LDHB: variants seen among roughly 807,000 people sequenced by gnomAD.
The protein encoded by LDHB is lactate dehydrogenase B, also known as L-lactate dehydrogenase B chain.
In LDHB, 18 loss-of-function variants were observed where a neutral mutation model predicts 33.4. That is an observed-to-expected ratio of 0.54 (90% confidence interval 0.37 to 0.80). The LOEUF (loss-of-function observed/expected upper bound fraction) is 0.80, where lower values mean the gene tolerates loss of function less well. Among genes scored for constraint, LDHB ranks in the 30% least tolerant of loss-of-function variants. LDHB has a pLI of 0.00. For synonymous variants in LDHB, 121 were observed against 140.6 expected, an observed-to-expected ratio of 0.86 and a Z score of 0.98; for missense variants, 345 against 407.9, an observed-to-expected ratio of 0.85 and a Z score of 1.33.
At chr12:21,654,521 C>T (rs1938782366) in intron 2 of LDHB, 22 bp downstream of exon 2, 2 of 1,612,630 alleles carry the variant, frequency 1.2e-6, no homozygotes, top group African/African-American at 1.3e-5. Context: ...TCTCTATCAT[C>T]TATGGTGTTC....
At chr12:21,645,388 G>C (rs1436638363) in intron 3 of LDHB, among the ~76,000 whole-genome samples, 3 of 152,114 alleles carry the variant, frequency 2.0e-5, no homozygotes, top group Non-Finnish European at 4.4e-5. Context: ...ACTGGTAAAG[G>C]GTCTGTGCCG....
intron 4 of LDHB, chr12:21,643,662 A>T (rs1444888609): frequency 7.1e-6 from 3 of 420,706 alleles, no homozygotes; most frequent in Non-Finnish European, 8.5e-6. Flanking sequence ...ATCTTTATAA[A>T]AAAGTTTTAA....
rs1369057476 is a variant in LDHB at position 21,642,031 on chromosome 12, G to T, written c.516C>A (p.Arg172=). 2 of 1,613,550 alleles carry T rather than the reference G, an allele frequency of 1.2e-6. No individual in the cohort carries two copies. The highest frequency in any genetic ancestry group is 2.2e-5 in the South Asian group (2 of 91,052). Reference sequence around the variant, plus strand: ...TGCCAAGTTTTTCAGCCATAAGGTAGCGAAATCTAGCAGAATCCAGATTAC... The same window carrying T: ...TGCCAAGTTTTTCAGCCATAAGGTATCGAAATCTAGCAGAATCCAGATTAC... ...SGCNLDSARF[R]YLMAEKLGIH... The change falls in exon 5 of 8, where the codon CGC becomes CGA. Residue 172 remains arginine (R), a synonymous_variant. Transcript: ENST00000350669.
intron 2 of LDHB, among the ~76,000 whole-genome samples, chr12:21,647,421 A>G (rs895323550): frequency 2.0e-5 from 3 of 152,018 alleles, no homozygotes; most frequent in African/African-American, 7.3e-5. Context: ...TTTACTTTAG[A>G]GTAGGATTTG....
chr12:21,648,770 C>A (rs986379727), intron 2 of LDHB, among the ~76,000 whole-genome samples: 4 of 152,180 alleles, frequency 2.6e-5, no homozygotes, highest in African/African-American at 9.7e-5. Context: ...TAAGTGGCTG[C>A]CTGGTCTCAT....
intron 3 of LDHB, 40 bp downstream of exon 3, chr12:21,646,858 GA>G (rs34354944): frequency 1.7e-6 from 2 of 1,192,978 alleles, no homozygotes; most frequent in Non-Finnish European, 2.5e-6. Context: ...TTGGGGCCAT[GA>G]AAAAAATATT....
intron 1 of LDHB, among the ~76,000 whole-genome samples, chr12:21,655,605 C>G (rs1237357303): frequency 6.6e-6 from 1 of 152,276 alleles, no homozygotes; most frequent in Middle Eastern, 3.4e-3. Context: ...TTTAGGGCAC[C>G]TAAGAAGCTT....
intron 1 of LDHB, 98 bp downstream of exon 1, chr12:21,657,653 T>C (rs1938897232): frequency 1.3e-5 from 2 of 152,514 alleles, no homozygotes; most frequent in East Asian, 1.9e-4. Flanking sequence ...CAGATGTGCT[T>C]CTTCCTCCTT....
intron 7 of LDHB, among the ~76,000 whole-genome samples, chr12:21,636,054 C>T (rs180953856): frequency 3.9e-5 from 6 of 152,178 alleles, no homozygotes; most frequent in Non-Finnish European, 7.4e-5. Context: ...CAAACATACA[C>T]TATGAGAAAA....
chr12:21,657,472 G>A (rs1345613938), intron 1 of LDHB: 1 of 152,344 alleles, frequency 6.6e-6, no homozygotes, highest in Admixed American at 6.5e-5. Flanking sequence ...ACCCACCAAG[G>A]ACAAGTAGGG....
Position 21,635,748 on chromosome 12 carries a change from CTG to C in LDHB, c.838-41_838-40del, listed in dbSNP as rs775418897. ...AAAGCATCGAGATTAAGACATGAAA[CTG>C]TAAGTAAAAATGATCAAAGACAGGA... On this transcript the variant is annotated intron_variant, in intron 7 of 7. Coordinates refer to ENST00000350669, the MANE Select transcript of LDHB (RefSeq NM_002300.8). 11 of 1,595,134 alleles carry C rather than the reference CTG, an allele frequency of 6.9e-6. No homozygotes were observed. The East Asian group carries it at 2.5e-4, about 36-fold the overall frequency.
At position 21,635,417 on chromosome 12, in the gene LDHB, GTGAGCCCAAATTCACATAT is replaced by G; in HGVS notation, c.*106_*124del. On this transcript the variant is annotated 3_prime_UTR_variant, in exon 8 of 8. Transcript: ENST00000350669. Reference sequence around the variant, plus strand: ...TAAACCAAGCATAGGCTTTGATTCTGTGAGCCCAAATTCACATATTGAAGAAGATCAAAGCAAACTGTGA... The same window carrying G: ...TAAACCAAGCATAGGCTTTGATTCTGTGAAGAAGATCAAAGCAAACTGTGA... The G allele has an allele frequency of 2.4e-6, 2 of 821,404 alleles. No homozygotes were observed. The highest frequency in any genetic ancestry group is 4.2e-6 in the Non-Finnish European group (2 of 473,750). 50.9% of individuals were successfully genotyped at this position (821,404 alleles called of 1,614,324 possible).
chr12:21,649,391 A>C (rs1281448307), intron 2 of LDHB, among the ~76,000 whole-genome samples: 1 of 152,216 alleles, frequency 6.6e-6, no homozygotes, highest in African/African-American at 2.4e-5. Context: ...GAGAGGCGTG[A>C]TGTGTGACTA....
rs761454561 is a variant in LDHB at position 21,643,957 on chromosome 12, G to A, written c.399C>T (p.Ile133=). 1.2e-6 allele frequency: 2 copies of A among 1,611,680 alleles called. No homozygotes were observed. The highest frequency in any genetic ancestry group is 1.1e-5 in the South Asian group (1 of 91,022). The change falls in exon 4 of 8, where the codon ATC becomes ATT. Residue 133 remains isoleucine, a synonymous_variant. Coordinates refer to ENST00000350669, the MANE Select transcript of LDHB (RefSeq NM_002300.8). ...PQIVKYSPDC[I]IIVVSNPVDI... is the part of the protein sequence containing the mutation. The stretch of plus-strand genomic sequence containing the variant: ...TACCTGGGTTGGAAACCACAATTAT[G>A]ATGCAATCAGGACTGTACTTGACGA...
intron 1 of LDHB, chr12:21,657,088 C>T (rs965100510): frequency 1.3e-5 from 2 of 152,126 alleles, no homozygotes; most frequent in South Asian, 2.1e-4. Context: ...CTAGAGATCT[C>T]CCCGAGTAAG....
chr12:21,649,297 G>C (rs1482189478), intron 2 of LDHB, among the ~76,000 whole-genome samples: 1 of 152,140 alleles, frequency 6.6e-6, no homozygotes, highest in Non-Finnish European at 1.5e-5. Context: ...CGGCTGAAAA[G>C]GAAGGAAGAG....
intron 2 of LDHB, among the ~76,000 whole-genome samples, chr12:21,653,888 A>G (rs1677079): frequency 0.94 from 143,883 of 152,262 alleles, 68,489 homozygotes; most frequent in East Asian, 1. Context: ...ATTAATTAAA[A>G]GAGGGAAAGG....
intron 2 of LDHB, among the ~76,000 whole-genome samples, chr12:21,648,971 T>A (rs991270186): frequency 1.3e-5 from 2 of 152,246 alleles, no homozygotes; most frequent in African/African-American, 4.8e-5. Context: ...TTAATTTTTA[T>A]CCATTTTTCC....
chr12:21,637,002 CTTTAAATG>C lies in LDHB; in HGVS notation c.837+61_837+68del, dbSNP rs1457401099. 26 of 1,311,764 alleles carry C rather than the reference CTTTAAATG, an allele frequency of 2.0e-5. No homozygotes were observed. The African/African-American group carries it at 3.5e-4, about 18-fold the overall frequency. The allele number at this position is 1,311,764 out of a possible 1,614,324, so 81.3% of individuals were successfully genotyped here. A position where few individuals can be genotyped will look rare whatever the true frequency, so the allele number is the denominator to read the frequency against. On this transcript the variant is annotated intron_variant, in intron 7 of 7. Coordinates refer to ENST00000350669, the MANE Select transcript of LDHB (RefSeq NM_002300.8). ...CTATGATTTTATCTGGTCTGAGCCT[CTTTAAATG>C]AATCTTTTTGTAGAATACAATGCGA...
Sources: gnomAD v4.1 joint callset for allele counts (sites outside exome capture counted in the v4.1 genomes callset) on GRCh38, gnomAD v4.1.1 for gene constraint, MANE v1.5 for transcripts, NCBI Gene and HGNC (gene_info 2026-07-23, HGNC 2026-07-21) for gene names.